The following UBR2 variants were observed in gnomAD, a reference collection of about 807,000 sequenced individuals.
UBR2 encodes the protein ubiquitin protein ligase E3 component n-recognin 2, also known as E3 ubiquitin-protein ligase UBR2.
Under a neutral mutation model 247.9 loss-of-function variants are expected in UBR2, and 92 were observed. The observed-to-expected ratio is 0.37, with a 90% CI of 0.31 to 0.44. The LOEUF is 0.44. Among genes scored for constraint, UBR2 ranks in the 20% least tolerant of loss-of-function variants. The pLI is 1.00. For synonymous variants in UBR2, 672 were observed against 693.5 expected, an observed-to-expected ratio of 0.97 and a Z score of 0.49; for missense variants, 1,613 against 2,112.6, an observed-to-expected ratio of 0.76 and a Z score of 4.64.
intron 15 of UBR2, among the ~76,000 whole-genome samples, chr6:42,638,376 G>A (rs1036693242): frequency 6.6e-6 from 1 of 151,410 alleles, no homozygotes; most frequent in African/African-American, 2.4e-5. Context: ...TTTTTTCATT[G>A]TTCTGAGACC....
At chr6:42,606,107 G>A (rs1418297238) in intron 6 of UBR2, among the ~76,000 whole-genome samples, 1 of 152,104 alleles carries the variant, frequency 6.6e-6, no homozygotes, top group Non-Finnish European at 1.5e-5. Flanking sequence ...GCCAGGTGTA[G>A]TGGCATGAGC....
rs1170522925 is a variant in UBR2 at position 42,619,436 on chromosome 6, TATATATATATATATA to T, written c.1281+1930_1281+1944del. 154 of 24,112 alleles carry T rather than the reference TATATATATATATATA, an allele frequency of 6.4e-3. 10 individuals carry two copies. Among genetic ancestry groups the T allele is most frequent in the South Asian group, 0.024 (20 of 828 alleles). The allele number at this position is 24,112 out of a possible 1,614,324, so 1.5% of individuals were successfully genotyped here. A position where few individuals can be genotyped will look rare whatever the true frequency, so the allele number is the denominator to read the frequency against. ...ACATATATATATATATATATATATA[TATATATATATATATA>T]TATTTTTTTTTTTTAGTTCTCTATC... On this transcript the variant is annotated intron_variant, in intron 11 of 46. Coordinates refer to ENST00000372901, the MANE Select transcript of UBR2 (RefSeq NM_001363705.2).
At chr6:42,672,769 CCT>C (rs1315789886) in intron 36 of UBR2, among the ~76,000 whole-genome samples, 1 of 152,118 alleles carries the variant, frequency 6.6e-6, no homozygotes, top group Non-Finnish European at 1.5e-5. Context: ...GAGTTAGAGA[CCT>C]CTCATCTGTG....
intron 2 of UBR2, among the ~76,000 whole-genome samples, chr6:42,586,891 G>A (rs1479930519): frequency 2.8e-5 from 4 of 140,926 alleles, no homozygotes; most frequent in South Asian, 2.2e-4. Flanking sequence ...GCGCAATCTC[G>A]GCTCACTGCA....
intron 26 of UBR2, 56 bp downstream of exon 26, chr6:42,655,779 CACTT>C: frequency 9.6e-7 from 1 of 1,045,994 alleles, no homozygotes; most frequent in Non-Finnish European, 1.4e-6. Context: ...TTTAAGAAAT[CACTT>C]AATAACCTCT....
chr6:42,633,823 T>G (rs1481377169), intron 13 of UBR2, among the ~76,000 whole-genome samples: 1 of 152,030 alleles, frequency 6.6e-6, no homozygotes, highest in Non-Finnish European at 1.5e-5. Flanking sequence ...CTCCGCCTCC[T>G]GGGTTCAAGT....
chr6:42,623,542 T>C (rs868746579), intron 11 of UBR2, among the ~76,000 whole-genome samples: 47 of 152,062 alleles, frequency 3.1e-4, no homozygotes, highest in Middle Eastern at 3.4e-3. Flanking sequence ...ACCTCCGCCT[T>C]CCGGGTTCAA....
chr6:42,664,105 T>A (rs1452902093), intron 32 of UBR2: 2 of 151,730 alleles, frequency 1.3e-5, no homozygotes, highest in Non-Finnish European at 2.9e-5. Context: ...GCTTTGATCA[T>A]GCCATTGCAC....
chr6:42,667,783 A>G (rs1193230452), intron 34 of UBR2, among the ~76,000 whole-genome samples: 6 of 135,534 alleles, frequency 4.4e-5, no homozygotes, highest in Non-Finnish European at 6.2e-5. Flanking sequence ...TTTTTGAGAC[A>G]GAGTCTCACT....
Position 42,693,084 on chromosome 6 carries a change from G to A in UBR2, c.*1911G>A, listed in dbSNP as rs373413. On this transcript the variant is annotated 3_prime_UTR_variant, in exon 47 of 47. Coordinates refer to ENST00000372901, the MANE Select transcript of UBR2 (RefSeq NM_001363705.2). ...AAATAATAAGACCAGGTTTCTCTCT[G>A]TACAAGTGGATTATAAACATTTTCA... is the stretch of plus-strand genomic sequence containing the variant. 6.6e-6 allele frequency: 1 copy of A among 151,986 alleles called. No individual in the cohort carries two copies. Among genetic ancestry groups the A allele is most frequent in the Non-Finnish European group, 1.5e-5 (1 of 68,010 alleles). 9.4% of individuals were successfully genotyped at this position (151,986 alleles called of 1,614,324 possible). A position where few individuals can be genotyped will look rare whatever the true frequency, so the allele number is the denominator to read the frequency against.
chr6:42,651,217 T>C (rs1168487688), intron 23 of UBR2, among the ~76,000 whole-genome samples: 1 of 148,960 alleles, frequency 6.7e-6, no homozygotes, highest in African/African-American at 2.5e-5. Context: ...AGTGAGACCG[T>C]ATCTCAAAAA....
chr6:42,644,126 G>A (rs1796602187), intron 18 of UBR2, 88 bp from the exon 19 acceptor site: 9 of 1,399,670 alleles, frequency 6.4e-6, no homozygotes, highest in Non-Finnish European at 6.7e-6. Flanking sequence ...TCTTGGGCAA[G>A]CCAAACTATC....
intron 26 of UBR2, among the ~76,000 whole-genome samples, chr6:42,656,674 C>T (rs1797456508): frequency 6.6e-6 from 1 of 152,154 alleles, no homozygotes; most frequent in Non-Finnish European, 1.5e-5. Context: ...AATTATACTA[C>T]CAGGGGACAA....
intron 33 of UBR2, among the ~76,000 whole-genome samples, 191 bp downstream of exon 33, chr6:42,665,703 T>C (rs1194807942): frequency 6.6e-6 from 1 of 152,230 alleles, no homozygotes; most frequent in Non-Finnish European, 1.5e-5. Context: ...CAAGCTCATG[T>C]GAAGTTTCTA....
At chr6:42,639,303 G>T (rs1796283337) in intron 15 of UBR2, among the ~76,000 whole-genome samples, 1 of 152,166 alleles carries the variant, frequency 6.6e-6, no homozygotes, top group Non-Finnish European at 1.5e-5. Context: ...CATTCAGAAT[G>T]AACTGAAGGC....
intron 13 of UBR2, among the ~76,000 whole-genome samples, chr6:42,634,574 C>A (rs1024518624): frequency 2.6e-5 from 4 of 152,238 alleles, no homozygotes; most frequent in Admixed American, 2.6e-4. Context: ...TCTGCCTCAG[C>A]CTCCCGAGTA....
intron 11 of UBR2, among the ~76,000 whole-genome samples, chr6:42,631,861 T>TATATATATATA (rs1795738993): frequency 1.7e-5 from 1 of 60,510 alleles, no homozygotes; most frequent in Non-Finnish European, 3.2e-5. Flanking sequence ...ACTCTGATTT[T>TATATATATATA]ATATATATAT....
intron 36 of UBR2, among the ~76,000 whole-genome samples, chr6:42,672,480 C>G (rs1014492257): frequency 1.3e-5 from 2 of 152,076 alleles, no homozygotes; most frequent in Non-Finnish European, 2.9e-5. Flanking sequence ...GAATCTCACT[C>G]TTCTCTAATA....
At chr6:42,675,217 A>G (rs1798652874) in intron 38 of UBR2, among the ~76,000 whole-genome samples, 1 of 152,216 alleles carries the variant, frequency 6.6e-6, no homozygotes, top group Non-Finnish European at 1.5e-5. Flanking sequence ...TTATACTGCC[A>G]TGCAGACAGC....
Sources: allele counts gnomAD v4.1 joint callset (sites outside exome capture counted in the v4.1 genomes callset), GRCh38; gene constraint gnomAD v4.1.1; transcripts MANE v1.5; gene names NCBI Gene and HGNC (gene_info 2026-07-23, HGNC 2026-07-21).